The following IKBKB variants were observed in gnomAD, a reference collection of about 807,000 sequenced individuals.
IKBKB encodes the protein inhibitor of nuclear factor kappa B kinase subunit beta.
IKBKB carries 42 observed loss-of-function variants against 113.6 expected under a neutral mutation model. The observed-to-expected ratio is 0.37, with a 90% CI of 0.29 to 0.48. The LOEUF (loss-of-function observed/expected upper bound fraction) is 0.48. IKBKB is among the 20% of genes least tolerant of loss of function. The pLI is 0.99. For missense variants in IKBKB, 673 were observed against 939.7 expected (o/e 0.72, Z 3.71); for synonymous variants, 296 against 361.3 (o/e 0.82, Z 2.05).
intron 6 of IKBKB, 34 bp downstream of exon 6, chr8:42,305,309 GT>G: frequency 7.0e-7 from 1 of 1,419,942 alleles, no homozygotes; most frequent in Non-Finnish European, 1.0e-6. Flanking sequence ...AAAGCCTCAG[GT>G]GGGCGTGCCG....
rs536634707 is a variant in IKBKB, at chr8:42,288,779, C to T, written c.200+51C>T. The T allele has an allele frequency of 3.6e-5, 52 of 1,430,352 alleles. No individual in the cohort carries two copies. The Middle Eastern group carries it at 5.8e-4, about 16-fold the overall frequency. 88.6% of individuals were successfully genotyped at this position (1,430,352 alleles called of 1,614,324 possible). The stretch of plus-strand genomic sequence containing the variant: ...AAGGGAAAGCTGGAGCAGCAGCCCC[C>T]GGTGTGTCTAGAAAGGAGAGTCTTG... On this transcript the variant is annotated intron_variant, in intron 3 of 21. Transcript: ENST00000520810.
At chr8:42,301,520 T>C (rs532735710) in intron 5 of IKBKB, among the ~76,000 whole-genome samples, 2 of 152,358 alleles carry the variant, frequency 1.3e-5, no homozygotes, top group African/African-American at 2.4e-5. Flanking sequence ...AGGGTACATT[T>C]AAGAGGACTT....
chr8:42,306,671 A>G (rs1031035639), intron 7 of IKBKB, among the ~76,000 whole-genome samples: 1 of 152,198 alleles, frequency 6.6e-6, no homozygotes, highest in Non-Finnish European at 1.5e-5. Flanking sequence ...GCCTTGCACC[A>G]TCCCCTAGCC....
At chr8:42,295,011 A>C (rs1390066533) in intron 5 of IKBKB, among the ~76,000 whole-genome samples, 2 of 151,012 alleles carry the variant, frequency 1.3e-5, no homozygotes, top group African/African-American at 4.9e-5. Flanking sequence ...TCTTTGGTTA[A>C]AGCTTTGTCA....
intron 8 of IKBKB, among the ~76,000 whole-genome samples, chr8:42,312,060 G>A (rs1015692276): frequency 6.6e-6 from 1 of 152,084 alleles, no homozygotes; most frequent in Non-Finnish European, 1.5e-5. Flanking sequence ...CTAATTTTTT[G>A]TATTTTTAGT....
chr8:42,280,270 C>T (rs1223937148), intron 2 of IKBKB, among the ~76,000 whole-genome samples: 1 of 152,198 alleles, frequency 6.6e-6, no homozygotes, highest in Non-Finnish European at 1.5e-5. Flanking sequence ...CAACCTGCTT[C>T]CCCTGTTCTT....
At chr8:42,272,962 CCTT>C (rs1050676986) in intron 2 of IKBKB, among the ~76,000 whole-genome samples, 9 of 124,260 alleles carry the variant, frequency 7.2e-5, no homozygotes, top group Admixed American at 6.9e-4. Flanking sequence ...AAAAAAAAAA[CCTT>C]AGGCAGCCTT....
At chr8:42,311,241 TG>T (rs1396049697) in intron 8 of IKBKB, among the ~76,000 whole-genome samples, 2 of 152,170 alleles carry the variant, frequency 1.3e-5, no homozygotes, top group African/African-American at 4.8e-5. Context: ...AGAGGACAAG[TG>T]TCTACATCTT....
At chr8:42,310,143 C>T (rs1363869902) in intron 8 of IKBKB, among the ~76,000 whole-genome samples, 1 of 152,122 alleles carries the variant, frequency 6.6e-6, no homozygotes, top group Non-Finnish European at 1.5e-5. Flanking sequence ...AATGAATATT[C>T]CCCCAAATCA....
intron 8 of IKBKB, among the ~76,000 whole-genome samples, chr8:42,313,444 A>AT (rs1554520857): frequency 1.3e-5 from 2 of 151,970 alleles, no homozygotes; most frequent in Non-Finnish European, 2.9e-5. Context: ...GAAAAAAAAA[A>AT]TTTTTTTACC....
chr8:42,316,280 G>T lies in IKBKB; in HGVS notation c.871G>T (p.Asp291Tyr). 1.9e-6 allele frequency: 3 copies of T among 1,614,164 alleles called. No individual in the cohort carries two copies. The highest frequency in any genetic ancestry group is 2.5e-6 in the Non-Finnish European group (3 of 1,180,032). The change falls in exon 10 of 22, where the codon GAT becomes TAT. Residue 291 changes from aspartate (D) to tyrosine (Y), a missense_variant. Around this residue, in one of 2 missense-constraint regions of IKBKB, gnomAD observed 506 missense variants for 638.7 expected, o/e 0.79. Transcript: ENST00000520810. This position sits in a 1 kb window ranked among gnomAD's most constrained non-coding sequence, Gnocchi z 4.5. Reference sequence around the variant, plus strand: ...GTGGCACCCCCGACAGAGGGGCACGGATCCCACGTATGGGCCCAATGGCTG... The same window carrying T: ...GTGGCACCCCCGACAGAGGGGCACGTATCCCACGTATGGGCCCAATGGCTG... ...LMWHPRQRGT[D>Y]PTYGPNGCFK... is the part of the protein sequence containing the mutation.
chr8:42,303,663 C>T (rs1815899128), intron 5 of IKBKB, among the ~76,000 whole-genome samples: 3 of 152,090 alleles, frequency 2.0e-5, no homozygotes. Context: ...TGCCACCACA[C>T]CCAGCTAATT....
intron 8 of IKBKB, among the ~76,000 whole-genome samples, chr8:42,310,703 A>G (rs1585728563): frequency 1.3e-5 from 2 of 152,366 alleles, no homozygotes; most frequent in South Asian, 4.1e-4. Context: ...GCAGGAATCA[A>G]CTGTCATCCC....
chr8:42,330,808 G>T (rs1210734896), intron 21 of IKBKB, 106 bp from the exon 22 acceptor site: 2 of 1,573,982 alleles, frequency 1.3e-6, no homozygotes, highest in Non-Finnish European at 1.7e-6. Context: ...GTGCCTGGCT[G>T]GGTTTTAGTA....
At chr8:42,299,602 C>T (rs1361984738) in intron 5 of IKBKB, among the ~76,000 whole-genome samples, 3 of 152,116 alleles carry the variant, frequency 2.0e-5, no homozygotes, top group Non-Finnish European at 2.9e-5. Flanking sequence ...CAGAACCCAC[C>T]TGCCAGCTTC....
intron 8 of IKBKB, chr8:42,309,703 A>T (rs1309692183): frequency 6.4e-6 from 1 of 155,984 alleles, no homozygotes; most frequent in Non-Finnish European, 1.4e-5. Context: ...ACTGCAATCC[A>T]GCCTGGGCGA....
At chr8:42,297,345 C>T (rs1814092307) in intron 5 of IKBKB, among the ~76,000 whole-genome samples, 1 of 152,202 alleles carries the variant, frequency 6.6e-6, no homozygotes, top group Admixed American at 6.5e-5. Context: ...GTGCTGGCCT[C>T]ACATTTCCTT....
intron 11 of IKBKB, 186 bp downstream of exon 11, chr8:42,317,090 C>T (rs1180248967): frequency 1.5e-6 from 1 of 672,566 alleles, no homozygotes; most frequent in South Asian, 1.6e-5. Flanking sequence ...ACACAAATCT[C>T]CTTGCTGGAC....
At position 42,271,345 on chromosome 8, in the gene IKBKB, G is replaced by C. The variant is rs1394089549; in HGVS notation, c.-143G>C. The C allele has an allele frequency of 2.3e-6, 3 of 1,288,030 alleles. No homozygotes were observed. The South Asian group carries it at 3.8e-5, about 16-fold the overall frequency. The allele number at this position is 1,288,030 out of a possible 1,614,324, so 79.8% of individuals were successfully genotyped here. A position where few individuals can be genotyped will look rare whatever the true frequency, so the allele number is the denominator to read the frequency against. ...GTGTTTGAGGAAGTCGCGCCGCGCT[G>C]CCCGCGTTAAGATTCCCGCATTTTA... On this transcript the variant is annotated 5_prime_UTR_variant, in exon 1 of 22. Transcript: ENST00000520810.
Sources: allele counts gnomAD v4.1 joint callset (sites outside exome capture counted in the v4.1 genomes callset), GRCh38; gene constraint gnomAD v4.1.1; regional missense constraint gnomAD v4.1.1; non-coding constraint Gnocchi (gnomAD v3.1); transcripts MANE v1.5; gene names NCBI Gene and HGNC (gene_info 2026-07-23, HGNC 2026-07-21).